KIF5A: variants seen among roughly 807,000 people sequenced by gnomAD.
KIF5A encodes the protein kinesin family member 5A, also known as kinesin heavy chain isoform 5A.
In KIF5A, 35 loss-of-function variants were observed where a neutral mutation model predicts 141.3. The observed-to-expected ratio is 0.25, with a 90% confidence interval of 0.19 to 0.33. The LOEUF (loss-of-function observed/expected upper bound fraction) is 0.33. KIF5A is among the 10% of genes least tolerant of loss of function. The pLI, the probability that KIF5A is intolerant of heterozygous loss-of-function variation, is 1.00. For missense variants in KIF5A, 861 were observed against 1,314.3 expected, an observed-to-expected ratio of 0.66 and a Z score of 5.33; for synonymous variants, 448 against 500.2, an observed-to-expected ratio of 0.90 and a Z score of 1.39.
chr12:57,567,812 C>A (rs554714206), intron 8 of KIF5A, among the ~76,000 whole-genome samples, 194 bp downstream of exon 8: 3 of 151,962 alleles, frequency 2.0e-5, no homozygotes, highest in Admixed American at 6.6e-5. Context: ...AGGTGCCCAC[C>A]ACCACGCCTG....
intron 26 of KIF5A, 56 bp from the exon 27 acceptor site, chr12:57,582,546 A>G: frequency 6.9e-7 from 1 of 1,438,864 alleles, no homozygotes; most frequent in Non-Finnish European, 9.8e-7. Flanking sequence ...TGTTTCTAAC[A>G]CCCAATCTCC....
intron 10 of KIF5A, 46 bp from the exon 11 acceptor site, chr12:57,569,489 A>G (rs917026467): frequency 6.2e-7 from 1 of 1,613,590 alleles, no homozygotes; most frequent in Non-Finnish European, 8.5e-7. Flanking sequence ...GGGTCACCCA[A>G]GTCTCATGTT....
chr12:57,580,394 G>A (rs1882560511), intron 23 of KIF5A, among the ~76,000 whole-genome samples: 1 of 152,160 alleles, frequency 6.6e-6, no homozygotes, highest in Non-Finnish European at 1.5e-5. Context: ...TTCCTACGGG[G>A]CGGGCTCTGC....
At chr12:57,552,711 G>A (rs1881615604) in intron 1 of KIF5A, among the ~76,000 whole-genome samples, 1 of 152,148 alleles carries the variant, frequency 6.6e-6, no homozygotes, top group African/African-American at 2.4e-5. Flanking sequence ...GCTCTTTTTG[G>A]AGCCCACCAG....
intron 6 of KIF5A, among the ~76,000 whole-genome samples, chr12:57,566,051 A>T (rs1321179667): frequency 6.6e-6 from 1 of 151,622 alleles, no homozygotes; most frequent in Non-Finnish European, 1.5e-5. Flanking sequence ...GTGAGCCATG[A>T]TAGTGCCACT....
chr12:57,567,802 A>G (rs1424138869), intron 8 of KIF5A, among the ~76,000 whole-genome samples, 184 bp downstream of exon 8: 1 of 151,548 alleles, frequency 6.6e-6, no homozygotes, highest in Non-Finnish European at 1.5e-5. Context: ...CTGGGATTAC[A>G]GGTGCCCACC....
At chr12:57,574,276 T>A (rs1379981765) in intron 15 of KIF5A, among the ~76,000 whole-genome samples, 1 of 44,362 alleles carries the variant, frequency 2.3e-5, no homozygotes, top group Non-Finnish European at 3.9e-5. Flanking sequence ...CAGAATTGGA[T>A]TTTTTTTTTT....
Position 57,581,106 on chromosome 12 carries a change from G to T in KIF5A, c.2689G>T (p.Val897Leu). The change falls in exon 24 of 29, where the codon GTG (valine) becomes TTG (leucine). Residue 897 changes from valine to leucine, a missense_variant. By Grantham distance (32) the Val-to-Leu change is conservative. Around this residue, in one of 5 missense-constraint regions of KIF5A, gnomAD observed 482 missense variants for 661.3 expected, o/e 0.73. Transcript: ENST00000455537. ...GGACAAGCGCCGGTACCAGCAGGAGGTGGACCGCATCAAGGAGGCCGTTCG... is the reference window on the plus strand; with the variant it reads ...GGACAAGCGCCGGTACCAGCAGGAGTTGGACCGCATCAAGGAGGCCGTTCG... ...MKDKRRYQQEVDRIKEAVRYK... is the reference protein window; with the variant it reads ...MKDKRRYQQELDRIKEAVRYK... 1 of 1,614,204 alleles carries T rather than the reference G, an allele frequency of 6.2e-7. No homozygotes were observed. The highest frequency in any genetic ancestry group is 8.5e-7 in the Non-Finnish European group (1 of 1,180,024).
rs1882614569 is a variant in KIF5A, at chr12:57,581,881, C to T, written c.2921C>T (p.Ser974Phe). The change falls in exon 26 of 29, where the codon TCC becomes TTC. Residue 974 changes from serine to phenylalanine, a missense_variant. This residue lies in a region of KIF5A where 482 missense variants were observed against 661.3 expected (regional missense o/e 0.73). Coordinates refer to ENST00000455537, the MANE Select transcript of KIF5A (RefSeq NM_004984.4). ...TCTGCTCCATCCAGCTTTGCAAACTCCTGTACCAGCAGTGGAGCCACATCT... is the reference window on the plus strand; with the variant it reads ...TCTGCTCCATCCAGCTTTGCAAACTTCTGTACCAGCAGTGGAGCCACATCT... Reference protein sequence around the residue: ...SSTSDMYFANSCTSSGATSSG... With the variant: ...SSTSDMYFANFCTSSGATSSG... The T allele has an allele frequency of 6.2e-7, 1 of 1,613,916 alleles. No individual in the cohort carries two copies. Among genetic ancestry groups the T allele is most frequent in the Non-Finnish European group, 8.5e-7 (1 of 1,180,022 alleles).
chr12:57,574,764 G>A (rs1180877313), intron 15 of KIF5A, among the ~76,000 whole-genome samples: 1 of 151,704 alleles, frequency 6.6e-6, no homozygotes, highest in African/African-American at 2.4e-5. Flanking sequence ...ATTTTTAGTA[G>A]AGACAGGGTT....
At position 57,584,404 on chromosome 12, in the gene KIF5A, C is replaced by G. The variant is rs1211032099; in HGVS notation, c.*223C>G. 2.0e-5 allele frequency: 3 copies of G among 152,628 alleles called. No homozygotes were observed. The highest frequency in any genetic ancestry group is 4.4e-5 in the Non-Finnish European group (3 of 68,048). The allele number at this position is 152,628 out of a possible 1,614,324, so 9.5% of individuals were successfully genotyped here. On this transcript the variant is annotated 3_prime_UTR_variant, in exon 29 of 29. Transcript: ENST00000455537. ...TGCTATGTCTCTCTTCTGTCTTATT[C>G]TCAAGTATCTACTGATGTATTTAGC... is the stretch of plus-strand genomic sequence containing the variant.
chr12:57,562,698 A>G (rs141119516), intron 1 of KIF5A, among the ~76,000 whole-genome samples: 2 of 152,222 alleles, frequency 1.3e-5, no homozygotes, highest in Admixed American at 6.5e-5. Flanking sequence ...CTAACTTTGC[A>G]TCTTTCACTT....
At position 57,581,024 on chromosome 12, in the gene KIF5A, T is replaced by G; in HGVS notation, c.2607T>G (p.Ala869=). ...PKLEKRLRAT[A]ERVKALEGAL... Reference sequence around the variant, plus strand: ...TGGAAAAACGACTTAGGGCTACGGCTGAGAGAGTTAAGGCCCTGGAGGGTG... The same window carrying G: ...TGGAAAAACGACTTAGGGCTACGGCGGAGAGAGTTAAGGCCCTGGAGGGTG... The change falls in exon 24 of 29, where the codon GCT becomes GCG. Residue 869 remains alanine, a synonymous_variant. Transcript: ENST00000455537. 1 of 1,614,056 alleles carries G rather than the reference T, an allele frequency of 6.2e-7. No individual in the cohort carries two copies. The highest frequency in any genetic ancestry group is 1.1e-5 in the South Asian group (1 of 91,078).
intron 8 of KIF5A, 137 bp downstream of exon 8, chr12:57,567,755 G>A (rs1882112905): frequency 2.2e-6 from 2 of 890,794 alleles, no homozygotes; most frequent in African/African-American, 3.4e-5. Flanking sequence ...CCGCCTCCTG[G>A]GTTTAAGTGA....
At position 57,578,035 on chromosome 12, in the gene KIF5A, C is replaced by T. The variant is rs1882479396; in HGVS notation, c.2388C>T (p.Asn796=). The change falls in exon 22 of 29, where the codon AAC becomes AAT. Residue 796 remains asparagine, a synonymous_variant. Transcript: ENST00000455537. The part of the protein sequence containing the change: ...TVARELQTLH[N]LRKLFVQDVT... ...CCCGGGAACTCCAGACCCTCCACAA[C>T]CTTCGCAAGCTGTTCGTTCAAGACG... 1 of 1,614,100 alleles carries T rather than the reference C, an allele frequency of 6.2e-7. No homozygotes were observed. The highest frequency in any genetic ancestry group is 1.7e-5 in the Admixed American group (1 of 60,014).
intron 6 of KIF5A, 44 bp from the exon 7 acceptor site, chr12:57,567,082 T>G: frequency 8.3e-7 from 1 of 1,211,272 alleles, no homozygotes; most frequent in Non-Finnish European, 1.2e-6. Context: ...AATACAAACT[T>G]AAAAAACAAA....
rs570574334 is a variant in KIF5A at position 57,565,249 on chromosome 12, G to A, written c.501+276G>A. Among the ~76,000 whole-genome samples, 82 of 151,760 alleles carry A rather than the reference G, an allele frequency of 5.4e-4. 1 individual carries two copies. The highest frequency in any genetic ancestry group is 1.9e-3 in the African/African-American group (77 of 41,380). On this transcript the variant is annotated intron_variant, in intron 6 of 28. Transcript: ENST00000455537. ...AGCCTGGCCAATATAGTGAAACCCC[G>A]TTTCTACTAAAAATACAAAAAATTA...
At position 57,585,764 on chromosome 12, in the gene KIF5A, C is replaced by T. The variant is rs1427818116; in HGVS notation, c.*1583C>T. On this transcript the variant is annotated 3_prime_UTR_variant, in exon 29 of 29. Coordinates refer to ENST00000455537, the MANE Select transcript of KIF5A (RefSeq NM_004984.4). ...CCTGCTCCCTTTACCTGCTGAGCTC[C>T]TTTTAGCAGTTAGGGAGAACTGCAG... 1 of 152,200 alleles carries T rather than the reference C, an allele frequency of 6.6e-6. No individual in the cohort carries two copies. The highest frequency in any genetic ancestry group is 1.5e-5 in the Non-Finnish European group (1 of 68,040). The allele number at this position is 152,200 out of a possible 1,614,324, so 9.4% of individuals were successfully genotyped here. A position where few individuals can be genotyped will look rare whatever the true frequency, so the allele number is the denominator to read the frequency against.
rs150789919 is a variant in KIF5A at position 57,560,965 on chromosome 12, A to G, written c.130-2474A>G. Reference sequence around the variant, plus strand: ...TGATTTCGCCACTGTACTCCAGCCTACATGACAGATGAGACCCTGACTCAA... The same window carrying G: ...TGATTTCGCCACTGTACTCCAGCCTGCATGACAGATGAGACCCTGACTCAA... On this transcript the variant is annotated intron_variant, in intron 1 of 28. Coordinates refer to ENST00000455537, the MANE Select transcript of KIF5A (RefSeq NM_004984.4). 2.7e-4 allele frequency among the ~76,000 whole-genome samples: 41 copies of G among 152,286 alleles called. No homozygotes were observed. The East Asian group carries it at 6.6e-3, about 24-fold the overall frequency.
Sources: allele counts gnomAD v4.1 joint callset (sites outside exome capture counted in the v4.1 genomes callset), GRCh38; gene constraint gnomAD v4.1.1; regional missense constraint gnomAD v4.1.1; transcripts MANE v1.5; gene names NCBI Gene and HGNC (gene_info 2026-07-23, HGNC 2026-07-21).